RAD51C: variants seen among roughly 807,000 people sequenced by gnomAD.
RAD51C encodes RAD51 paralog C.
Under a neutral mutation model 45.0 loss-of-function variants are expected in RAD51C, and 42 were observed. That is an observed-to-expected ratio of 0.93 (90% CI 0.73 to 1.21). The LOEUF is 1.21. Among genes scored for constraint, RAD51C ranks in the 50% most tolerant of loss-of-function variants. The probability of loss-of-function intolerance (pLI) is 0.00; values close to 1 mark genes in which losing one functional copy is unlikely to be tolerated. For missense variants in RAD51C, 474 were observed against 452.2 expected (o/e 1.05, Z -0.44); for synonymous variants, 172 against 159.8 (o/e 1.08, Z -0.58).
intron 7 of RAD51C, among the ~76,000 whole-genome samples, chr17:58,728,119 C>A (rs975285912): frequency 6.6e-6 from 1 of 151,390 alleles, no homozygotes; most frequent in Non-Finnish European, 1.5e-5. Flanking sequence ...GTGGCGGGCA[C>A]CTGTAATCCC....
Position 58,709,897 on chromosome 17 carries a change from T to C in RAD51C, c.744T>C (p.Phe248=), listed in dbSNP as rs150142859. ...LVIVDGIAFP[F]RHDLDDLSLR... ...TAGTGGATGGTATTGCTTTTCCATTTCGTCATGACCTAGATGACCTGTCTC... is the reference window on the plus strand; with the variant it reads ...TAGTGGATGGTATTGCTTTTCCATTCCGTCATGACCTAGATGACCTGTCTC... The change falls in exon 5 of 9, where the codon TTT becomes TTC. Residue 248 remains phenylalanine (F), a synonymous_variant. Coordinates refer to ENST00000337432, the MANE Select transcript of RAD51C (RefSeq NM_058216.3). 36 of 1,611,022 alleles carry C rather than the reference T, an allele frequency of 2.2e-5. No individual in the cohort carries two copies. The African/African-American group carries it at 4.8e-4, about 22-fold the overall frequency.
chr17:58,713,088 T>C (rs1431944081), intron 5 of RAD51C, among the ~76,000 whole-genome samples: 2 of 152,168 alleles, frequency 1.3e-5, no homozygotes, highest in African/African-American at 4.8e-5. Flanking sequence ...ATCGCACCAC[T>C]GCACTCCAGC....
chr17:58,705,729 T>A (rs891214474), intron 4 of RAD51C: 2 of 152,156 alleles, frequency 1.3e-5, no homozygotes, highest in African/African-American at 4.8e-5. Context: ...TTTCTCCACA[T>A]ACATTCACAT....
chr17:58,706,630 A>G, intron 4 of RAD51C: 1 of 376,498 alleles, frequency 2.7e-6, no homozygotes. Flanking sequence ...AGCTCTGAGG[A>G]TCTGTGATCC....
chr17:58,701,064 A>T (rs1302236543), intron 3 of RAD51C, among the ~76,000 whole-genome samples: 4 of 151,672 alleles, frequency 2.6e-5, no homozygotes, highest in African/African-American at 4.8e-5. Context: ...TGCCCAGCTA[A>T]TTTTTTTTGC....
intron 2 of RAD51C, chr17:58,695,409 A>T (rs2047969449): frequency 8.0e-7 from 1 of 1,252,298 alleles, no homozygotes; most frequent in African/African-American, 1.5e-5. Flanking sequence ...TTTCTTTTGC[A>T]AATTGTACTG....
intron 5 of RAD51C, among the ~76,000 whole-genome samples, chr17:58,717,035 G>A (rs535371417): frequency 5.9e-5 from 9 of 152,100 alleles, no homozygotes; most frequent in South Asian, 4.2e-4. Context: ...CTCTGACCTC[G>A]TGATCCGCCC....
At chr17:58,709,151 G>C (rs1459119896) in intron 4 of RAD51C, among the ~76,000 whole-genome samples, 1 of 140,560 alleles carries the variant, frequency 7.1e-6, no homozygotes, top group Admixed American at 7.5e-5. Context: ...CTGGAGTACA[G>C]TGGCGCAACC....
intron 5 of RAD51C, among the ~76,000 whole-genome samples, chr17:58,713,946 G>A (rs111721790): frequency 9.9e-5 from 15 of 151,688 alleles, no homozygotes; most frequent in East Asian, 7.7e-4. Flanking sequence ...ACCCTGTAGC[G>A]TAGTTTTTTT....
rs2049563238 is a variant in RAD51C at position 58,734,163 on chromosome 17, C to G, written c.1072C>G (p.Gln358Glu). 2 of 1,613,710 alleles carry G rather than the reference C, an allele frequency of 1.2e-6. No individual in the cohort carries two copies. Among genetic ancestry groups the G allele is most frequent in the Non-Finnish European group, 1.7e-6 (2 of 1,179,828 alleles). The change falls in exon 9 of 9, where the codon CAA (glutamine) becomes GAA (glutamate). Residue 358 changes from glutamine (Q) to glutamate (E), a missense_variant. Coordinates refer to ENST00000337432, the MANE Select transcript of RAD51C (RefSeq NM_058216.3). ...DTVVTSACSL[Q>E]TEGSLSTRKR... is the part of the protein sequence containing the mutation. ...TGTTGTTACTTCTGCATGTTCATTG[C>G]AAACAGAAGGTTCCTTGAGCACCCG...
At chr17:58,723,311 C>CTT (rs547761551) in intron 6 of RAD51C, among the ~76,000 whole-genome samples, 4 of 146,946 alleles carry the variant, frequency 2.7e-5, no homozygotes, top group African/African-American at 5.0e-5. Context: ...ACACTTAATG[C>CTT]TTTTTTTTTT....
At chr17:58,716,471 TA>T (rs2048740923) in intron 5 of RAD51C, among the ~76,000 whole-genome samples, 1 of 152,164 alleles carries the variant, frequency 6.6e-6, no homozygotes, top group South Asian at 2.1e-4. Flanking sequence ...CTTTTTTATT[TA>T]TTTTTTTTGA....
intron 7 of RAD51C, among the ~76,000 whole-genome samples, chr17:58,725,368 A>G (rs2049081164): frequency 6.6e-6 from 1 of 152,126 alleles, no homozygotes; most frequent in Non-Finnish European, 1.5e-5. Context: ...TTTTGAACAT[A>G]TTGCTTATAC....
Position 58,692,801 on chromosome 17 carries a change from G to T in RAD51C, c.145+13G>T. The T allele has an allele frequency of 6.2e-7, 1 of 1,614,148 alleles. No individual in the cohort carries two copies. On this transcript the variant is annotated intron_variant, in intron 1 of 8. Transcript: ENST00000337432. ...GAGCTTAGCAAAGGTAACGACTCCT[G>T]ATGGCAAGCTGAGGCACACCGGCCG...
At chr17:58,706,588 G>A (rs1434108243) in intron 4 of RAD51C, 1 of 446,240 alleles carries the variant, frequency 2.2e-6, no homozygotes, top group Admixed American at 2.7e-5. Flanking sequence ...GGACGACATA[G>A]CATTGCCCCC....
intron 3 of RAD51C, among the ~76,000 whole-genome samples, chr17:58,701,150 C>G (rs1244242598): frequency 6.6e-6 from 1 of 151,968 alleles, no homozygotes; most frequent in African/African-American, 2.4e-5. Context: ...ATCTGCGTGC[C>G]TTGGCCTCCT....
intron 1 of RAD51C, chr17:58,694,032 C>T (rs934180657): frequency 4.6e-5 from 7 of 152,144 alleles, no homozygotes; most frequent in Non-Finnish European, 1.0e-4. Context: ...TTGCCATTTT[C>T]TTTTCTCAGG....
chr17:58,702,193 C>G (rs1415243777), intron 3 of RAD51C, among the ~76,000 whole-genome samples: 1 of 151,860 alleles, frequency 6.6e-6, no homozygotes, highest in Non-Finnish European at 1.5e-5. Flanking sequence ...ATGGGGTTTT[C>G]CATGTTGCCC....
intron 4 of RAD51C, chr17:58,706,593 G>GC: frequency 2.3e-6 from 1 of 429,606 alleles, no homozygotes; most frequent in Non-Finnish European, 4.8e-6. Flanking sequence ...ACATAGCATT[G>GC]CCCCCTGGGC....
Sources: allele counts gnomAD v4.1 joint callset (sites outside exome capture counted in the v4.1 genomes callset), GRCh38; gene constraint gnomAD v4.1.1; transcripts MANE v1.5; gene names NCBI Gene and HGNC (gene_info 2026-07-23, HGNC 2026-07-21).